Variants in SMURF1 observed in about 807,000 individuals in gnomAD.
SMURF1 encodes the protein E3 ubiquitin-protein ligase SMURF1.
In SMURF1, 44 loss-of-function variants were observed where a neutral mutation model predicts 98.0. The ratio of observed to expected loss-of-function variants is 0.45; its 90% CI spans 0.35 to 0.58. SMURF1 has a LOEUF of 0.58. Ranked by LOEUF, SMURF1 falls within the 20% of genes least tolerant of loss-of-function variation. The pLI is 0.00. For synonymous variants in SMURF1, 396 were observed against 374.9 expected (o/e 1.06, Z -0.65); for missense variants, 687 against 938.4 (o/e 0.73, Z 3.50).
intron 1 of SMURF1, among the ~76,000 whole-genome samples, chr7:99,073,593 C>T (rs1203501185): frequency 4.6e-5 from 7 of 151,840 alleles, no homozygotes; most frequent in Admixed American, 1.3e-4. Flanking sequence ...GGTGAAACCC[C>T]GTCTCTACCA....
chr7:99,069,124 G>A (rs1409687799), intron 1 of SMURF1, among the ~76,000 whole-genome samples: 3 of 152,134 alleles, frequency 2.0e-5, no homozygotes, highest in South Asian at 2.1e-4. Flanking sequence ...ACAAAAAACG[G>A]TGACAGAGCA....
intron 6 of SMURF1, among the ~76,000 whole-genome samples, chr7:99,052,688 C>T (rs1466326777): frequency 6.6e-6 from 1 of 152,164 alleles, no homozygotes; most frequent in Non-Finnish European, 1.5e-5. Flanking sequence ...ACAATTTCAC[C>T]ATAGGGTAGA....
Position 99,047,850 on chromosome 7 carries a change from G to A in SMURF1, c.986C>T (p.Pro329Leu), listed in dbSNP as rs778608896. Reference protein sequence around the residue: ...HQCQLKEPSQPLPLPSEGSLE... With the variant: ...HQCQLKEPSQLLPLPSEGSLE... The stretch of plus-strand genomic sequence containing the variant: ...AGAGCCCTCACTGGGCAGTGGCAGC[G>A]GCTGGCTGGGCTCCTTGAGTTGGCA... The change falls in exon 10 of 18, where the codon CCG becomes CTG. Residue 329 changes from proline (P) to leucine (L), a missense_variant. Around this residue, in one of 2 missense-constraint regions of SMURF1, gnomAD observed 415 missense variants for 508.4 expected, o/e 0.82. Transcript: ENST00000361368. 5 of 1,614,112 alleles carry A rather than the reference G, an allele frequency of 3.1e-6. No homozygotes were observed. Among genetic ancestry groups the A allele is most frequent in the South Asian group, 1.1e-5 (1 of 91,080 alleles).
intron 11 of SMURF1, among the ~76,000 whole-genome samples, chr7:99,042,778 AAAACTC>A (rs1435688190): frequency 6.6e-6 from 1 of 152,230 alleles, no homozygotes; most frequent in Non-Finnish European, 1.5e-5. Flanking sequence ...CATTCTGCTC[AAAACTC>A]CTTTTCAACG....
chr7:99,031,848 C>T (rs1409511542), intron 17 of SMURF1, among the ~76,000 whole-genome samples: 1 of 152,224 alleles, frequency 6.6e-6, no homozygotes, highest in African/African-American at 2.4e-5. Context: ...CGGGGCATCT[C>T]AGCAGCATCT....
intron 1 of SMURF1, among the ~76,000 whole-genome samples, chr7:99,066,066 C>T (rs183064810): frequency 7.9e-5 from 12 of 151,796 alleles, no homozygotes; most frequent in Non-Finnish European, 1.2e-4. Context: ...AAGGCACAAG[C>T]GAGAAGACTA....
intron 1 of SMURF1, among the ~76,000 whole-genome samples, chr7:99,065,021 T>A (rs559485390): frequency 6.6e-6 from 1 of 152,312 alleles, no homozygotes; most frequent in South Asian, 2.1e-4. Context: ...AATTTTTACC[T>A]ATTTACAATA....
chr7:99,098,385 G>A (rs1373017761), intron 1 of SMURF1, among the ~76,000 whole-genome samples: 1 of 151,898 alleles, frequency 6.6e-6, no homozygotes, highest in Non-Finnish European at 1.5e-5. Flanking sequence ...CTGGCTGGGA[G>A]GGAAAAAAAA....
At position 99,054,699 on chromosome 7, in the gene SMURF1, A is replaced by G. The variant is rs1179912972; in HGVS notation, c.479+91T>C. On this transcript the variant is annotated intron_variant, in intron 6 of 17. Coordinates refer to ENST00000361368, the MANE Select transcript of SMURF1 (RefSeq NM_181349.3). ...TTTATGCATCTCAAGCATTCTGCAG[A>G]GTGACTTAAGGAGGGAAGGGCGCTT... 5.8e-6 allele frequency: 6 copies of G among 1,025,686 alleles called. No homozygotes were observed. The East Asian group carries it at 1.2e-4, about 20-fold the overall frequency. The allele number at this position is 1,025,686 out of a possible 1,614,324, so 63.5% of individuals were successfully genotyped here.
intron 1 of SMURF1, 51 bp downstream of exon 1, chr7:99,143,675 G>C (rs770701939): frequency 6.7e-7 from 1 of 1,485,028 alleles, no homozygotes; most frequent in Non-Finnish European, 9.0e-7. Context: ...GGGGAATTCC[G>C]GGGCGGGCGA....
intron 1 of SMURF1, among the ~76,000 whole-genome samples, chr7:99,064,175 T>A (rs1796134495): frequency 6.6e-6 from 1 of 152,188 alleles, no homozygotes. Flanking sequence ...TTTGCTAGTA[T>A]TTTGTTGAGG....
intron 7 of SMURF1, 47 bp from the exon 8 acceptor site, chr7:99,051,488 G>A (rs761482958): frequency 6.6e-7 from 1 of 1,505,296 alleles, no homozygotes; most frequent in South Asian, 1.1e-5. Context: ...CAATTCCAGG[G>A]AGAGTTTGTA....
At chr7:99,063,331 A>G (rs1796111967) in intron 1 of SMURF1, among the ~76,000 whole-genome samples, 1 of 131,174 alleles carries the variant, frequency 7.6e-6, no homozygotes, top group Non-Finnish European at 1.6e-5. Flanking sequence ...TCACTCCGTC[A>G]CCCCAGGCTG....
rs774969412 is a variant in SMURF1, at chr7:99,051,455, T to C, written c.722-14A>G. 25 of 1,605,396 alleles carry C rather than the reference T, an allele frequency of 1.6e-5. No homozygotes were observed. The highest frequency in any genetic ancestry group is 2.0e-5 in the Non-Finnish European group (24 of 1,172,224). Reference sequence around the variant, plus strand: ...TTGTTCTTTGTTCTACACAAGAAATTAGAGATCCAAATGAGACAAGTTCAA... The same window carrying C: ...TTGTTCTTTGTTCTACACAAGAAATCAGAGATCCAAATGAGACAAGTTCAA... On this transcript the variant is annotated splice_polypyrimidine_tract_variant and intron_variant, in intron 7 of 17. Transcript: ENST00000361368.
At chr7:99,050,565 T>TGATTCTCCTG in intron 8 of SMURF1, 1 of 191,824 alleles carries the variant, frequency 5.2e-6, no homozygotes, top group Admixed American at 5.5e-5. Flanking sequence ...TCCTGATTAA[T>TGATTCTCCTG]AATTTCAACA....
chr7:99,140,903 C>T (rs1798106858), intron 1 of SMURF1, among the ~76,000 whole-genome samples: 1 of 152,018 alleles, frequency 6.6e-6, no homozygotes, highest in African/African-American at 2.4e-5. Flanking sequence ...AGAATTCAAA[C>T]TTCCCTTAAC....
At chr7:99,129,654 A>G (rs761112779) in intron 1 of SMURF1, among the ~76,000 whole-genome samples, 36 of 152,150 alleles carry the variant, frequency 2.4e-4, no homozygotes, top group Non-Finnish European at 4.4e-4. Flanking sequence ...AACCTCCCCA[A>G]ATATTGGGAT....
chr7:99,094,673 A>C (rs1306794298), intron 1 of SMURF1, among the ~76,000 whole-genome samples: 1 of 151,526 alleles, frequency 6.6e-6, no homozygotes, highest in East Asian at 1.9e-4. Flanking sequence ...AAAAAAAAAA[A>C]CTGTCACCTA....
At chr7:99,085,412 C>T (rs1385384832) in intron 1 of SMURF1, among the ~76,000 whole-genome samples, 1 of 151,490 alleles carries the variant, frequency 6.6e-6, no homozygotes, top group Non-Finnish European at 1.5e-5. Flanking sequence ...CTGGGAGGGA[C>T]CTCCTCAGAA....
Sources: allele counts gnomAD v4.1 joint callset (sites outside exome capture counted in the v4.1 genomes callset), GRCh38; gene constraint gnomAD v4.1.1; regional missense constraint gnomAD v4.1.1; transcripts MANE v1.5; gene names NCBI Gene and HGNC (gene_info 2026-07-23, HGNC 2026-07-21).